Variants in MARK1 observed in about 807,000 individuals in gnomAD.
MARK1 encodes the protein microtubule affinity regulating kinase 1.
Under a neutral mutation model 96.3 loss-of-function variants are expected in MARK1, and 40 were observed. The ratio of observed to expected loss-of-function variants is 0.42; its 90% CI spans 0.32 to 0.54. The LOEUF (loss-of-function observed/expected upper bound fraction) is 0.54, where lower values mean the gene tolerates loss of function less well. Among genes scored for constraint, MARK1 ranks in the 20% least tolerant of loss-of-function variants. The probability of loss-of-function intolerance (pLI) is 0.16; values close to 1 mark genes in which losing one functional copy is unlikely to be tolerated. For missense variants in MARK1, 719 were observed against 984.6 expected, an observed-to-expected ratio of 0.73 and a Z score of 3.61; for synonymous variants, 317 against 341.2, an observed-to-expected ratio of 0.93 and a Z score of 0.78.
chr1:220,571,272 T>C (rs1389855204), intron 1 of MARK1, among the ~76,000 whole-genome samples: 1 of 152,172 alleles, frequency 6.6e-6, no homozygotes, highest in Non-Finnish European at 1.5e-5. Flanking sequence ...AAAGACGTAG[T>C]GCGTGACAAC....
chr1:220,657,741 T>C, intron 16 of MARK1, 49 bp from the exon 17 acceptor site: 1 of 1,360,180 alleles, frequency 7.4e-7, no homozygotes, highest in Non-Finnish European at 9.9e-7. Flanking sequence ...GTTTTCTTGA[T>C]ATATTTTTTA....
At chr1:220,539,224 T>C (rs1451172414) in intron 1 of MARK1, among the ~76,000 whole-genome samples, 8 of 151,654 alleles carry the variant, frequency 5.3e-5, no homozygotes, top group African/African-American at 1.7e-4. Flanking sequence ...ATAGCTCTTA[T>C]TATTTTGAGA....
At position 220,661,943 on chromosome 1, in the gene MARK1, G is replaced by T. The variant is rs755347862; in HGVS notation, c.2165G>T (p.Arg722Leu). 6.2e-7 allele frequency: 1 copy of T among 1,614,134 alleles called. No individual in the cohort carries two copies. Among genetic ancestry groups the T allele is most frequent in the East Asian group, 2.2e-5 (1 of 44,884 alleles). Residue 722 changes from arginine (R) to leucine (L), a missense_variant, in exon 18 of 18, where the codon CGA (arginine) becomes CTA (leucine). Arg to Leu is a moderately radical substitution (Grantham distance 102). This residue lies in a region of MARK1 where 501 missense variants were observed against 588.3 expected (regional missense o/e 0.85). Transcript: ENST00000366917. ...MDPNDMMREIRKVLDANNCDY... is the reference protein window; with the variant it reads ...MDPNDMMREILKVLDANNCDY... ...CCTAATGACATGATGAGAGAAATCCGAAAAGTGTTAGATGCAAATAACTGT... is the reference window on the plus strand; with the variant it reads ...CCTAATGACATGATGAGAGAAATCCTAAAAGTGTTAGATGCAAATAACTGT...
At chr1:220,642,772 G>A (rs1376548515) in intron 13 of MARK1, among the ~76,000 whole-genome samples, 2 of 152,202 alleles carry the variant, frequency 1.3e-5, no homozygotes, top group South Asian at 4.1e-4. Context: ...AGAGGAAAGA[G>A]CAGACAGCAA....
intron 1 of MARK1, among the ~76,000 whole-genome samples, chr1:220,567,949 C>T (rs777005591): frequency 2.6e-4 from 40 of 151,970 alleles, no homozygotes; most frequent in Admixed American, 2.6e-4. Context: ...TTTTTTACTT[C>T]AGTTGTTTTA....
In MARK1 at chr1:220,662,347, AAT is replaced by A; in HGVS notation, c.*184_*185del. Reference sequence around the variant, plus strand: ...ATTAAAGTCAGTATGAACTATAATAAATATCTGTAGCTTAAAAAGTAGGTTCA... The same window carrying A: ...ATTAAAGTCAGTATGAACTATAATAAATCTGTAGCTTAAAAAGTAGGTTCA... On this transcript the variant is annotated 3_prime_UTR_variant, in exon 18 of 18. Coordinates refer to ENST00000366917, the MANE Select transcript of MARK1 (RefSeq NM_018650.5). 1 of 565,126 alleles carries A rather than the reference AAT, an allele frequency of 1.8e-6. No individual in the cohort carries two copies. The highest frequency in any genetic ancestry group is 3.1e-6 in the Non-Finnish European group (1 of 318,874). 35.0% of individuals were successfully genotyped at this position (565,126 alleles called of 1,614,324 possible).
chr1:220,584,806 A>G (rs1449930063), intron 3 of MARK1, among the ~76,000 whole-genome samples: 1 of 152,230 alleles, frequency 6.6e-6, no homozygotes, highest in East Asian at 1.9e-4. Context: ...AGAGCACAAG[A>G]AGCTCTTTGG....
intron 13 of MARK1, among the ~76,000 whole-genome samples, chr1:220,649,010 C>T (rs928440197): frequency 1.3e-5 from 2 of 152,140 alleles, no homozygotes; most frequent in African/African-American, 4.8e-5. Context: ...TATGTCTGTA[C>T]AGTTGCATAG....
chr1:220,586,011 A>ACACGCACG (rs112968910), intron 3 of MARK1, among the ~76,000 whole-genome samples: 5 of 148,536 alleles, frequency 3.4e-5, no homozygotes, highest in Admixed American at 6.6e-5. Flanking sequence ...ACACACACAC[A>ACACGCACG]CGCGCGCGTG....
chr1:220,635,999 G>A lies in MARK1; in HGVS notation c.1443G>A (p.Glu481=). The part of the protein sequence containing the change: ...EMTASPLVGP[E]RKKSSTIPSN... ...CTGCAAGCCCTCTTGTAGGGCCAGA[G>A]AGGAAAAAATCTTCAACTATTCCAA... Residue 481 remains glutamate, a synonymous_variant, in exon 13 of 18, where the codon GAG becomes GAA. Transcript: ENST00000366917. 6.2e-7 allele frequency: 1 copy of A among 1,611,330 alleles called. No individual in the cohort carries two copies. Among genetic ancestry groups the A allele is most frequent in the Non-Finnish European group, 8.5e-7 (1 of 1,179,088 alleles).
At chr1:220,614,208 G>A (rs1006996994) in intron 6 of MARK1, among the ~76,000 whole-genome samples, 4 of 151,950 alleles carry the variant, frequency 2.6e-5, no homozygotes, top group Non-Finnish European at 5.9e-5. Flanking sequence ...GGGTCTCACT[G>A]TGTTGCCAAG....
intron 1 of MARK1, among the ~76,000 whole-genome samples, chr1:220,572,195 T>C (rs1353795239): frequency 6.6e-6 from 1 of 152,212 alleles, no homozygotes; most frequent in African/African-American, 2.4e-5. Flanking sequence ...CTTCCATAAC[T>C]TGATAGTGTT....
chr1:220,589,880 G>A (rs1046157952), intron 3 of MARK1, among the ~76,000 whole-genome samples: 5 of 152,148 alleles, frequency 3.3e-5, no homozygotes, highest in African/African-American at 9.7e-5. Context: ...TTTTATACTT[G>A]TACCTGGAGT....
At position 220,529,388 on chromosome 1, in the gene MARK1, C is replaced by G. The variant is rs73101851; in HGVS notation, c.51+515C>G. Among the ~76,000 whole-genome samples, 575 of 152,182 alleles carry G rather than the reference C, an allele frequency of 3.8e-3. 6 individuals are homozygous for G. The highest frequency in any genetic ancestry group is 0.013 in the African/African-American group (544 of 41,524). On this transcript the variant is annotated intron_variant, in intron 1 of 17. Coordinates refer to ENST00000366917, the MANE Select transcript of MARK1 (RefSeq NM_018650.5). Reference sequence around the variant, plus strand: ...ACATTTTGGGTCATGGGCACCAAAGCGAGAAGGATGGGAATGGAAGTGGAG... The same window carrying G: ...ACATTTTGGGTCATGGGCACCAAAGGGAGAAGGATGGGAATGGAAGTGGAG...
At chr1:220,572,393 C>T (rs1663532065) in intron 1 of MARK1, among the ~76,000 whole-genome samples, 2 of 152,156 alleles carry the variant, frequency 1.3e-5, no homozygotes, top group Admixed American at 1.3e-4. Context: ...AGGCATGTGC[C>T]ACCACACCTG....
chr1:220,639,838 T>C (rs972784296), intron 13 of MARK1, among the ~76,000 whole-genome samples: 1 of 152,144 alleles, frequency 6.6e-6, no homozygotes, highest in African/African-American at 2.4e-5. Flanking sequence ...ATTTAGAGAG[T>C]AGTTATTTCT....
chr1:220,544,600 T>C (rs1378425875), intron 1 of MARK1, among the ~76,000 whole-genome samples: 1 of 152,220 alleles, frequency 6.6e-6, no homozygotes, highest in Non-Finnish European at 1.5e-5. Flanking sequence ...AATTACTCAG[T>C]CTGCCGTATT....
In MARK1 at chr1:220,587,121, A is replaced by T. The variant is rs185305087; in HGVS notation, c.309+6003A>T. Among the ~76,000 whole-genome samples the T allele has an allele frequency of 4.6e-5, 7 of 152,246 alleles. No individual in the cohort carries two copies. The East Asian group carries it at 1.2e-3, about 25-fold the overall frequency. ...CTTTCTTATTCCCACTTAAATTTTT[A>T]AAAACTTTTTTTTACATATGATTGT... is the stretch of plus-strand genomic sequence containing the variant. On this transcript the variant is annotated intron_variant, in intron 3 of 17. Transcript: ENST00000366917.
intron 6 of MARK1, among the ~76,000 whole-genome samples, chr1:220,611,453 G>A (rs1666437384): frequency 6.6e-6 from 1 of 152,196 alleles, no homozygotes; most frequent in African/African-American, 2.4e-5. Flanking sequence ...TGGGTGGGGA[G>A]TGTCCCGTTT....
Sources: allele counts gnomAD v4.1 joint callset (sites outside exome capture counted in the v4.1 genomes callset), GRCh38; gene constraint gnomAD v4.1.1; regional missense constraint gnomAD v4.1.1; transcripts MANE v1.5; gene names NCBI Gene and HGNC (gene_info 2026-07-23, HGNC 2026-07-21).